The following SPAG17 variants were observed in gnomAD, a reference collection of about 807,000 sequenced individuals.
The protein encoded by SPAG17 is sperm associated antigen 17, also known as sperm-associated antigen 17.
Under a neutral mutation model 273.6 loss-of-function variants are expected in SPAG17, and 169 were observed. The ratio of observed to expected loss-of-function variants is 0.62; its 90% CI spans 0.55 to 0.70. The LOEUF is 0.70. Among genes scored for constraint, SPAG17 ranks in the 30% least tolerant of loss-of-function variants. The pLI is 0.00. For missense variants in SPAG17, 2,557 were observed against 2,627.8 expected, an observed-to-expected ratio of 0.97 and a Z score of 0.59; for synonymous variants, 825 against 873.2, an observed-to-expected ratio of 0.94 and a Z score of 0.97.
intron 31 of SPAG17, among the ~76,000 whole-genome samples, chr1:118,005,917 T>C (rs1301422615): frequency 6.6e-6 from 1 of 152,170 alleles, no homozygotes; most frequent in African/African-American, 2.4e-5. Context: ...TACATACATG[T>C]TTGGCCCTAT....
At chr1:118,120,291 A>AC (rs1328828283) in intron 3 of SPAG17, among the ~76,000 whole-genome samples, 3 of 151,684 alleles carry the variant, frequency 2.0e-5, no homozygotes, top group East Asian at 1.9e-4. Flanking sequence ...ATTAAAAAAA[A>AC]ACAAATTTTT....
chr1:118,129,137 GT>G (rs1657910117), intron 3 of SPAG17, among the ~76,000 whole-genome samples: 1 of 152,242 alleles, frequency 6.6e-6, no homozygotes, highest in African/African-American at 2.4e-5. Context: ...CAGCAGGGAA[GT>G]GGGCTGGAGC....
At chr1:118,075,499 G>C (rs1277021723) in intron 15 of SPAG17, among the ~76,000 whole-genome samples, 1 of 152,218 alleles carries the variant, frequency 6.6e-6, no homozygotes, top group Admixed American at 6.5e-5. Flanking sequence ...TTTGTAATTT[G>C]CTCTTGTTAT....
Position 118,068,887 on chromosome 1 carries a change from G to A in SPAG17, c.2386-1988C>T, listed in dbSNP as rs1490333079. Reference sequence around the variant, plus strand: ...TCCTCTCTCAGCCTCCTGAATAGTTGGGACTACAGACCTGTGGCTTTATAG... The same window carrying A: ...TCCTCTCTCAGCCTCCTGAATAGTTAGGACTACAGACCTGTGGCTTTATAG... On this transcript the variant is annotated intron_variant, in intron 17 of 48. Transcript: ENST00000336338. Among the ~76,000 whole-genome samples, 29 of 152,090 alleles carry A rather than the reference G, an allele frequency of 1.9e-4. 1 individual carries two copies. Among genetic ancestry groups the A allele is most frequent in the Admixed American group, 1.8e-3 (28 of 15,252 alleles).
chr1:117,967,861 AAAAT>A (rs1654052226), intron 46 of SPAG17, among the ~76,000 whole-genome samples: 1 of 152,372 alleles, frequency 6.6e-6, no homozygotes, highest in Admixed American at 6.5e-5. Context: ...TATCTAGAAA[AAAAT>A]AAATCTGAAA....
At chr1:117,982,906 T>C (rs1655996406) in intron 42 of SPAG17, among the ~76,000 whole-genome samples, 1 of 152,186 alleles carries the variant, frequency 6.6e-6, no homozygotes, top group Non-Finnish European at 1.5e-5. Flanking sequence ...GGGCTGGTCG[T>C]CTTATAGAAT....
Position 118,099,670 on chromosome 1 carries a change from A to G in SPAG17, c.765T>C (p.Tyr255=), listed in dbSNP as rs1454815910. The change falls in exon 6 of 49, where the codon TAT becomes TAC. Residue 255 remains tyrosine (Y), a synonymous_variant. Transcript: ENST00000336338. ...CTGCCAGGTGTGTCTGCAGAGGTTC[A>G]TAATTCTCTGAAGATATTTTAATCA... ...TSVIKISSEN[Y]EPLQTHLAAV... The G allele has an allele frequency of 6.2e-7, 1 of 1,614,018 alleles. No individual in the cohort carries two copies. Among genetic ancestry groups the G allele is most frequent in the East Asian group, 2.2e-5 (1 of 44,896 alleles).
intron 18 of SPAG17, among the ~76,000 whole-genome samples, chr1:118,057,844 AT>A (rs72204564): frequency 0.065 from 9,676 of 149,812 alleles, 523 homozygotes; most frequent in East Asian, 0.31. Context: ...TTAAATTAAA[AT>A]TTTTTTTTTG....
At position 118,122,413 on chromosome 1, in the gene SPAG17, C is replaced by T. The variant is rs114987360; in HGVS notation, c.316-6972G>A. Among the ~76,000 whole-genome samples, 1,045 of 152,292 alleles carry T rather than the reference C, an allele frequency of 6.9e-3. 12 individuals are homozygous for T. The highest frequency in any genetic ancestry group is 0.024 in the African/African-American group (981 of 41,566). ...GTGCAACTTAATGCAAAAGTACAGG[C>T]TCTATTTGCATTCCAGTCTTCCCAC... On this transcript the variant is annotated intron_variant, in intron 3 of 48. Coordinates refer to ENST00000336338, the MANE Select transcript of SPAG17 (RefSeq NM_206996.4).
At chr1:117,967,453 A>G (rs1376722451) in intron 46 of SPAG17, among the ~76,000 whole-genome samples, 3 of 152,198 alleles carry the variant, frequency 2.0e-5, no homozygotes, top group Non-Finnish European at 4.4e-5. Context: ...TATACTAACA[A>G]TAACGACAGG....
At chr1:117,993,911 T>C (rs992047655) in intron 35 of SPAG17, among the ~76,000 whole-genome samples, 2 of 152,214 alleles carry the variant, frequency 1.3e-5, no homozygotes, top group African/African-American at 2.4e-5. Flanking sequence ...ATAATTACAA[T>C]GTTTACTTTC....
intron 48 of SPAG17, among the ~76,000 whole-genome samples, chr1:117,954,843 C>G (rs1197244589): frequency 6.6e-6 from 1 of 152,080 alleles, no homozygotes; most frequent in Non-Finnish European, 1.5e-5. Context: ...TTGGACTGGA[C>G]TGGCATTCTT....
Position 117,996,419 on chromosome 1 carries a change from A to G in SPAG17, c.5004T>C (p.Tyr1668=). The G allele has an allele frequency of 5.0e-6, 8 of 1,613,074 alleles. No homozygotes were observed. The highest frequency in any genetic ancestry group is 6.8e-6 in the Non-Finnish European group (8 of 1,179,378). ...SDIEEYLSLA[Y]KESNTVVLQE... ...GGAGAACAACAGTATTTGATTCTTT[A>G]TATGCCAAAGATAGATATTCTTCTA... The change falls in exon 34 of 49, where the codon TAT becomes TAC. Residue 1668 remains tyrosine, a synonymous_variant. Transcript: ENST00000336338.
intron 1 of SPAG17, among the ~76,000 whole-genome samples, chr1:118,154,588 C>A (rs567892524): frequency 6.6e-6 from 1 of 152,122 alleles, no homozygotes; most frequent in Non-Finnish European, 1.5e-5. Context: ...CTTCCACCAA[C>A]TGGCGGCATT....
chr1:118,085,985 G>T lies in SPAG17; in HGVS notation c.1699C>A (p.Pro567Thr). 2 of 1,613,792 alleles carry T rather than the reference G, an allele frequency of 1.2e-6. No individual in the cohort carries two copies. Among genetic ancestry groups the T allele is most frequent in the Non-Finnish European group, 8.5e-7 (1 of 1,179,876 alleles). Reference sequence around the variant, plus strand: ...AGACGTTTAGTGTTGTTCCATGGTGGGGGTAGAGGGAATTGAAGAAATTCC... The same window carrying T: ...AGACGTTTAGTGTTGTTCCATGGTGTGGGTAGAGGGAATTGAAGAAATTCC... The part of the protein sequence containing the change: ...LWEFLQFPLP[P>T]PWNNTKRLAT... Residue 567 changes from proline (P) to threonine (T), a missense_variant, in exon 13 of 49, where the codon CCA becomes ACA. By Grantham distance (38) the Pro-to-Thr change is conservative (BLOSUM62 -1). Coordinates refer to ENST00000336338, the MANE Select transcript of SPAG17 (RefSeq NM_206996.4).
chr1:118,068,789 G>C (rs948576379), intron 17 of SPAG17, among the ~76,000 whole-genome samples: 1 of 151,988 alleles, frequency 6.6e-6, no homozygotes, highest in Admixed American at 6.6e-5. Flanking sequence ...AGATTTTTTT[G>C]TTGTTGTTAA....
At chr1:117,992,736 G>C in intron 35 of SPAG17, 88 bp from the exon 36 acceptor site, 1 of 1,149,568 alleles carries the variant, frequency 8.7e-7, no homozygotes, top group Non-Finnish European at 1.2e-6. Flanking sequence ...TTATTACATA[G>C]ATATCATAAT....
At position 117,959,284 on chromosome 1, in the gene SPAG17, C is replaced by T. The variant is rs1270489169; in HGVS notation, c.*4515G>A. ...AAATTTTTTAATATTTCTTGTATTGCACTCCAGGATGTTATCGGCTTCAAT... is the reference window on the plus strand; with the variant it reads ...AAATTTTTTAATATTTCTTGTATTGTACTCCAGGATGTTATCGGCTTCAAT... On this transcript the variant is annotated intron_variant, in intron 48 of 48. Transcript: ENST00000336338. 5.0e-6 allele frequency: 8 copies of T among 1,605,742 alleles called. No individual in the cohort carries two copies. The East Asian group carries it at 8.9e-5, about 18-fold the overall frequency.
intron 4 of SPAG17, 98 bp downstream of exon 4, chr1:118,115,212 T>C (rs1224078794): frequency 3.5e-6 from 5 of 1,420,106 alleles, no homozygotes; most frequent in Non-Finnish European, 4.9e-6. Context: ...TAACACTTAA[T>C]GGTAGGCTTA....
Sources: allele counts gnomAD v4.1 joint callset (sites outside exome capture counted in the v4.1 genomes callset), GRCh38; gene constraint gnomAD v4.1.1; transcripts MANE v1.5; gene names NCBI Gene and HGNC (gene_info 2026-07-23, HGNC 2026-07-21).